The following NCAM2 variants were observed in gnomAD, a reference collection of about 807,000 sequenced individuals.
NCAM2 encodes the protein N-CAM-2.
Under a neutral mutation model 98.1 loss-of-function variants are expected in NCAM2, and 30 were observed. The ratio of observed to expected loss-of-function variants is 0.31; its 90% confidence interval spans 0.23 to 0.41. The LOEUF is 0.41. Among genes scored for constraint, NCAM2 ranks in the 10% least tolerant of loss-of-function variants. The pLI, the probability that NCAM2 is intolerant of heterozygous loss-of-function variation, is 1.00. For missense variants in NCAM2, 867 were observed against 1,005.8 expected, an observed-to-expected ratio of 0.86 and a Z score of 1.87; for synonymous variants, 368 against 342.4, an observed-to-expected ratio of 1.07 and a Z score of -0.83.
intron 15 of NCAM2, among the ~76,000 whole-genome samples, chr21:21,506,227 T>C (rs1987971263): frequency 2.0e-5 from 3 of 152,114 alleles, no homozygotes; most frequent in Non-Finnish European, 4.4e-5. Flanking sequence ...TAAACCACAA[T>C]TGTATATTTT....
intron 1 of NCAM2, among the ~76,000 whole-genome samples, chr21:21,222,420 A>G (rs2070206756): frequency 6.6e-6 from 1 of 152,106 alleles, no homozygotes; most frequent in Non-Finnish European, 1.5e-5. Context: ...AGGATTTACC[A>G]CTCTACATGC....
chr21:21,295,622 C>T lies in NCAM2; in HGVS notation c.619+3381C>T, dbSNP rs769992055. ...TCTTTTTCTCTTGTTTTTTTCCTTC[C>T]GCCATGAAAAGAGCATGACCCAAAT... On this transcript the variant is annotated intron_variant, in intron 5 of 17. Coordinates refer to ENST00000400546, the MANE Select transcript of NCAM2 (RefSeq NM_004540.5). Among the ~76,000 whole-genome samples, 8 of 151,746 alleles carry T rather than the reference C, an allele frequency of 5.3e-5. No individual in the cohort carries two copies. The South Asian group carries it at 1.0e-3, about 20-fold the overall frequency.
chr21:21,330,598 C>T (rs1195479853), intron 6 of NCAM2, among the ~76,000 whole-genome samples: 1 of 151,984 alleles, frequency 6.6e-6, no homozygotes, highest in Non-Finnish European at 1.5e-5. Context: ...AATAGATCAA[C>T]TCCCTTGATA....
intron 5 of NCAM2, among the ~76,000 whole-genome samples, chr21:21,298,356 A>AT (rs1442358826): frequency 7.1e-6 from 1 of 140,916 alleles, no homozygotes; most frequent in Non-Finnish European, 1.5e-5. Context: ...TGTAGTTTGT[A>AT]ACAATGTTAT....
chr21:21,031,058 G>T (rs1170468355), intron 1 of NCAM2, among the ~76,000 whole-genome samples: 1 of 152,002 alleles, frequency 6.6e-6, no homozygotes, highest in Non-Finnish European at 1.5e-5. Flanking sequence ...TACTTGAACT[G>T]CATAGTACTT....
In NCAM2 at chr21:21,530,145, T is replaced by A. The variant is rs1251982867; in HGVS notation, c.2283-4392T>A. On this transcript the variant is annotated intron_variant, in intron 16 of 17. Transcript: ENST00000400546. ...TTAATTATATATGATTTAATTTAATTTAATTATATATGATTTAATTTAATT... is the reference window on the plus strand; with the variant it reads ...TTAATTATATATGATTTAATTTAATATAATTATATATGATTTAATTTAATT... Among the ~76,000 whole-genome samples, 1,089 of 142,004 alleles carry A rather than the reference T, an allele frequency of 7.7e-3. 18 individuals carry two copies. The highest frequency in any genetic ancestry group is 0.021 in the African/African-American group (833 of 38,750). The allele number at this position is 142,004 out of a possible 152,430, so 93.2% of individuals were successfully genotyped here.
chr21:21,369,026 CT>C (rs1225545891), intron 8 of NCAM2, among the ~76,000 whole-genome samples: 1 of 151,668 alleles, frequency 6.6e-6, no homozygotes, highest in African/African-American at 2.4e-5. Context: ...AATTAAAAGC[CT>C]TTTTTCCTAG....
chr21:21,054,811 A>ACTGTTTTAACTGTTT, intron 1 of NCAM2, among the ~76,000 whole-genome samples: 1 of 152,036 alleles, frequency 6.6e-6, no homozygotes, highest in Admixed American at 6.5e-5. Context: ...GTGCTGCTTA[A>ACTGTTTTAACTGTTT]AACTAGCCTT....
intron 12 of NCAM2, among the ~76,000 whole-genome samples, chr21:21,435,500 T>TA (rs1978300719): frequency 6.6e-6 from 1 of 152,170 alleles, no homozygotes; most frequent in African/African-American, 2.4e-5. Flanking sequence ...GTTTTCTGCT[T>TA]ACATTGCGGG....
At chr21:21,397,927 A>G (rs778018379) in intron 9 of NCAM2, among the ~76,000 whole-genome samples, 8 of 152,230 alleles carry the variant, frequency 5.3e-5, no homozygotes, top group Non-Finnish European at 1.2e-4. Context: ...TTTTCCAACA[A>G]TGCCACTACT....
intron 1 of NCAM2, among the ~76,000 whole-genome samples, chr21:21,034,057 G>GC (rs1356075882): frequency 6.6e-6 from 1 of 150,884 alleles, no homozygotes; most frequent in Non-Finnish European, 1.5e-5. Flanking sequence ...GGCAAAGGGG[G>GC]GGGGGAAACA....
chr21:21,455,652 T>C (rs1602395623), intron 12 of NCAM2, among the ~76,000 whole-genome samples: 1 of 152,176 alleles, frequency 6.6e-6, no homozygotes, highest in Non-Finnish European at 1.5e-5. Context: ...ATTTGAATTA[T>C]TATTTAGGAA....
At chr21:21,142,328 A>G (rs2067183369) in intron 1 of NCAM2, among the ~76,000 whole-genome samples, 1 of 151,662 alleles carries the variant, frequency 6.6e-6, no homozygotes, top group Admixed American at 6.6e-5. Context: ...AATAACTACA[A>G]ATATATGTTT....
chr21:21,009,816 T>A (rs191073665), intron 1 of NCAM2, among the ~76,000 whole-genome samples: 1 of 151,954 alleles, frequency 6.6e-6, no homozygotes, highest in East Asian at 1.9e-4. Flanking sequence ...GATACTTTAA[T>A]GTTTTCTCTG....
At chr21:21,119,819 G>T (rs2826661) in intron 1 of NCAM2, among the ~76,000 whole-genome samples, 34,542 of 152,086 alleles carry the variant, frequency 0.23, 3,970 homozygotes, top group Middle Eastern at 0.27. Context: ...ACAGAAATTA[G>T]TATTTTTATG....
intron 1 of NCAM2, among the ~76,000 whole-genome samples, chr21:21,055,585 T>A (rs1489640636): frequency 1.3e-5 from 2 of 152,020 alleles, no homozygotes; most frequent in Non-Finnish European, 2.9e-5. Context: ...TATAATGAAC[T>A]CTAAGGAGGA....
intron 1 of NCAM2, among the ~76,000 whole-genome samples, chr21:21,261,139 C>A (rs1215289621): frequency 1.3e-5 from 2 of 151,972 alleles, no homozygotes; most frequent in African/African-American, 2.4e-5. Flanking sequence ...GGTTTCAATT[C>A]AACAAGAAGA....
intron 1 of NCAM2, among the ~76,000 whole-genome samples, chr21:21,258,128 G>A (rs1750645477): frequency 2.0e-5 from 3 of 152,104 alleles, no homozygotes; most frequent in Admixed American, 2.0e-4. Context: ...AAACAACTTG[G>A]GTAGAAGAAG....
At chr21:21,442,760 T>A (rs2826843) in intron 12 of NCAM2, among the ~76,000 whole-genome samples, 29,565 of 152,136 alleles carry the variant, frequency 0.19, 2,930 homozygotes, top group African/African-American at 0.23. Flanking sequence ...TATATAATAA[T>A]GAGTTACCTA....
Sources: allele counts gnomAD v4.1 joint callset (sites outside exome capture counted in the v4.1 genomes callset), GRCh38; gene constraint gnomAD v4.1.1; transcripts MANE v1.5; gene names NCBI Gene and HGNC (gene_info 2026-07-23, HGNC 2026-07-21).